Variants in POLR3B observed in about 807,000 individuals in gnomAD.
POLR3B encodes the protein RNA polymerase III subunit B, also known as DNA-directed RNA polymerase III subunit RPC2.
Under a neutral mutation model 147.4 loss-of-function variants are expected in POLR3B, and 96 were observed. That is an observed-to-expected ratio of 0.65 (90% CI 0.55 to 0.77). POLR3B has a LOEUF of 0.77. POLR3B is among the 30% of genes least tolerant of loss of function. The probability of loss-of-function intolerance (pLI) is 0.00; values close to 1 mark genes in which losing one functional copy is unlikely to be tolerated. For missense variants in POLR3B, 1,036 were observed against 1,413.5 expected, an observed-to-expected ratio of 0.73 and a Z score of 4.28; for synonymous variants, 461 against 485.9, an observed-to-expected ratio of 0.95 and a Z score of 0.67.
chr12:106,480,691 A>G (rs1048387812), intron 23 of POLR3B, among the ~76,000 whole-genome samples: 3 of 152,212 alleles, frequency 2.0e-5, no homozygotes, highest in Non-Finnish European at 4.4e-5. Context: ...ACAATTTCTT[A>G]TATAGACATT....
At chr12:106,428,504 C>T (rs538701231) in intron 13 of POLR3B, among the ~76,000 whole-genome samples, 6 of 152,282 alleles carry the variant, frequency 3.9e-5, no homozygotes, top group African/African-American at 1.4e-4. Context: ...GCCCTCTTGT[C>T]TGTTTCTCGT....
At chr12:106,397,343 G>T (rs1293822823) in intron 10 of POLR3B, among the ~76,000 whole-genome samples, 1 of 152,090 alleles carries the variant, frequency 6.6e-6, no homozygotes, top group Non-Finnish European at 1.5e-5. Flanking sequence ...AATCTTAATT[G>T]TATGACTTTA....
rs1383243878 is a variant in POLR3B, at chr12:106,357,929, C to A, written c.50C>A (p.Ala17Glu). 1.2e-6 allele frequency: 2 copies of A among 1,613,178 alleles called. No homozygotes were observed. Among genetic ancestry groups the A allele is most frequent in the East Asian group, 2.2e-5 (1 of 44,876 alleles). ...EFGNLTPEQLAAPIPTVEEKW... is the reference protein window; with the variant it reads ...EFGNLTPEQLEAPIPTVEEKW... ...GGGAACCTGACTCCGGAGCAGCTGG[C>A]GGCGCCGATCCCGACTGTAGAGGTC... Residue 17 changes from alanine (A) to glutamate (E), a missense_variant, in exon 1 of 28, where the codon GCG becomes GAG. Transcript: ENST00000228347.
intron 11 of POLR3B, among the ~76,000 whole-genome samples, chr12:106,407,240 A>G (rs1396774076): frequency 6.6e-6 from 1 of 152,224 alleles, no homozygotes; most frequent in Non-Finnish European, 1.5e-5. Flanking sequence ...TTTGAGCCTG[A>G]GACGTAATTG....
At chr12:106,497,713 T>C (rs917160438) in intron 25 of POLR3B, among the ~76,000 whole-genome samples, 2 of 152,222 alleles carry the variant, frequency 1.3e-5, no homozygotes, top group East Asian at 3.8e-4. Context: ...ACTGAGTATA[T>C]ACCAATAAAT....
chr12:106,362,028 C>T (rs770779938), intron 1 of POLR3B, among the ~76,000 whole-genome samples: 1 of 152,018 alleles, frequency 6.6e-6, no homozygotes, highest in Non-Finnish European at 1.5e-5. Context: ...AACAGAGAAG[C>T]TAAATATGGA....
chr12:106,388,372 C>T (rs572368434), intron 9 of POLR3B, among the ~76,000 whole-genome samples: 2 of 151,846 alleles, frequency 1.3e-5, no homozygotes. Context: ...GGCTAGAGTG[C>T]AGTGGCGCGA....
At chr12:106,419,536 A>G (rs1217053863) in intron 12 of POLR3B, among the ~76,000 whole-genome samples, 1 of 152,180 alleles carries the variant, frequency 6.6e-6, no homozygotes, top group African/African-American at 2.4e-5. Context: ...GCTTAAACAT[A>G]CTTCACTGAA....
intron 23 of POLR3B, among the ~76,000 whole-genome samples, chr12:106,470,631 G>A (rs923381604): frequency 6.6e-6 from 1 of 152,144 alleles, no homozygotes; most frequent in Admixed American, 6.5e-5. Flanking sequence ...ACCTATGGAT[G>A]AGGTTTTGGT....
intron 18 of POLR3B, among the ~76,000 whole-genome samples, chr12:106,440,058 C>CA (rs977148758): frequency 1.3e-5 from 2 of 151,380 alleles, no homozygotes; most frequent in East Asian, 1.9e-4. Flanking sequence ...GACCCTTACT[C>CA]AAAAAAAATA....
intron 25 of POLR3B, 57 bp from the exon 26 acceptor site, chr12:106,501,266 G>A: frequency 9.4e-7 from 1 of 1,066,400 alleles, no homozygotes; most frequent in Non-Finnish European, 1.5e-6. Context: ...TCCAAAGGCT[G>A]TCTCTTGTTA....
intron 19 of POLR3B, chr12:106,446,438 A>C (rs1368489349): frequency 1.2e-5 from 4 of 339,888 alleles, no homozygotes; most frequent in Admixed American, 8.3e-5. Context: ...AAAAAAAAGA[A>C]AAGAGAAACC....
rs1288697300 is a variant in POLR3B, at chr12:106,397,140, C to T, written c.846+3987C>T. 4.0e-5 allele frequency among the ~76,000 whole-genome samples: 6 copies of T among 149,330 alleles called. No homozygotes were observed. In the East Asian group the frequency reaches 1.2e-3, roughly 29 times the overall value. On this transcript the variant is annotated intron_variant, in intron 10 of 27. Coordinates refer to ENST00000228347, the MANE Select transcript of POLR3B (RefSeq NM_018082.6). ...ACCCTGTCTCAAAAAAAAAAAAAAG[C>T]ACATTGTTGTTCCAAAATAATAAGA... is the stretch of plus-strand genomic sequence containing the variant.
intron 16 of POLR3B, among the ~76,000 whole-genome samples, chr12:106,435,711 G>T (rs1268780760): frequency 6.6e-6 from 1 of 152,094 alleles, no homozygotes; most frequent in Non-Finnish European, 1.5e-5. Context: ...GCTCAGTAGG[G>T]TGCCAGGCAC....
chr12:106,413,658 T>C (rs939018762), intron 12 of POLR3B, among the ~76,000 whole-genome samples: 1 of 152,100 alleles, frequency 6.6e-6, no homozygotes, highest in Non-Finnish European at 1.5e-5. Context: ...TCTTTTATTT[T>C]TTTTTTGCTT....
At chr12:106,485,792 A>G (rs1220948630) in intron 23 of POLR3B, among the ~76,000 whole-genome samples, 1 of 152,204 alleles carries the variant, frequency 6.6e-6, no homozygotes, top group Non-Finnish European at 1.5e-5. Context: ...AAGTGAAGAT[A>G]TAGGCTGGCA....
intron 12 of POLR3B, 47 bp downstream of exon 12, chr12:106,411,007 T>A: frequency 6.4e-7 from 1 of 1,563,728 alleles, no homozygotes; most frequent in Non-Finnish European, 8.8e-7. Context: ...TTAATGAAAA[T>A]TAATTTGGTT....
chr12:106,496,662 T>G, intron 24 of POLR3B, 90 bp from the exon 25 acceptor site: 1 of 1,078,494 alleles, frequency 9.3e-7, no homozygotes, highest in Non-Finnish European at 1.4e-6. Flanking sequence ...TTATTAATAG[T>G]GGTCGTGGGG....
intron 10 of POLR3B, among the ~76,000 whole-genome samples, chr12:106,399,074 A>C (rs1479500478): frequency 1.3e-5 from 2 of 152,160 alleles, no homozygotes. Flanking sequence ...CAAAGAAGTT[A>C]AAAACTGAAA....
Sources: allele counts gnomAD v4.1 joint callset (sites outside exome capture counted in the v4.1 genomes callset), GRCh38; gene constraint gnomAD v4.1.1; transcripts MANE v1.5; gene names NCBI Gene and HGNC (gene_info 2026-07-23, HGNC 2026-07-21).